DCC: variants seen among roughly 807,000 people sequenced by gnomAD.
The protein encoded by DCC is netrin receptor DCC.
DCC carries 58 observed loss-of-function variants against 172.5 expected under a neutral mutation model. That is an observed-to-expected ratio of 0.34 (90% CI 0.27 to 0.42). The LOEUF is 0.42. Among genes scored for constraint, DCC ranks in the 10% least tolerant of loss-of-function variants. The pLI is 1.00. For synonymous variants in DCC, 709 were observed against 644.5 expected (o/e 1.10, Z -1.52); for missense variants, 1,740 against 1,791.0 (o/e 0.97, Z 0.51).
At chr18:52,799,074 A>T (rs2037932844) in intron 2 of DCC, among the ~76,000 whole-genome samples, 2 of 152,190 alleles carry the variant, frequency 1.3e-5, no homozygotes, top group African/African-American at 4.8e-5. Flanking sequence ...TAATGTTTGA[A>T]ATAAAACAGG....
chr18:52,522,515 C>A (rs1437414096), intron 1 of DCC, among the ~76,000 whole-genome samples: 1 of 151,968 alleles, frequency 6.6e-6, no homozygotes, highest in African/African-American at 2.4e-5. Context: ...TATAGGATAC[C>A]CAGTTAAATT....
At chr18:52,532,596 T>C (rs1001246733) in intron 1 of DCC, among the ~76,000 whole-genome samples, 4 of 152,170 alleles carry the variant, frequency 2.6e-5, no homozygotes, top group African/African-American at 7.2e-5. Flanking sequence ...TGCATCACCA[T>C]TGACTGAAGG....
chr18:53,013,472 C>A (rs2041760777), intron 5 of DCC, among the ~76,000 whole-genome samples: 1 of 151,932 alleles, frequency 6.6e-6, no homozygotes, highest in Non-Finnish European at 1.5e-5. Context: ...CATGTTCTCA[C>A]TCATAACTAG....
intron 2 of DCC, among the ~76,000 whole-genome samples, chr18:52,905,754 A>C (rs1375013739): frequency 6.6e-6 from 1 of 152,150 alleles, no homozygotes; most frequent in South Asian, 2.1e-4. Flanking sequence ...TTCCTTATCT[A>C]TAAAATTAGG....
chr18:52,941,845 T>A (rs571491081), intron 5 of DCC, among the ~76,000 whole-genome samples: 1 of 152,172 alleles, frequency 6.6e-6, no homozygotes, highest in East Asian at 1.9e-4. Flanking sequence ...TGCAGTGGTG[T>A]CATCTTGGCT....
chr18:53,357,671 G>A (rs544521753), intron 15 of DCC, among the ~76,000 whole-genome samples: 15 of 152,250 alleles, frequency 9.9e-5, no homozygotes, highest in South Asian at 6.2e-4. Context: ...TAGAAAGCCT[G>A]ATCACAAAGA....
intron 1 of DCC, among the ~76,000 whole-genome samples, chr18:52,703,095 A>G (rs2036152216): frequency 6.6e-6 from 1 of 152,174 alleles, no homozygotes; most frequent in Non-Finnish European, 1.5e-5. Context: ...TCTCTGATTC[A>G]AGGCTAACCA....
chr18:53,025,000 A>G (rs1293284888), intron 5 of DCC, among the ~76,000 whole-genome samples: 3 of 152,130 alleles, frequency 2.0e-5, no homozygotes, highest in Non-Finnish European at 4.4e-5. Flanking sequence ...GTAATACAGG[A>G]ACACATGCAA....
chr18:52,983,335 G>A (rs1240646829), intron 5 of DCC, among the ~76,000 whole-genome samples: 1 of 152,234 alleles, frequency 6.6e-6, no homozygotes, highest in East Asian at 1.9e-4. Flanking sequence ...AATTGAAGAG[G>A]CAGACCAACA....
At chr18:53,522,601 C>T (rs1459934639) in intron 27 of DCC, among the ~76,000 whole-genome samples, 1 of 152,124 alleles carries the variant, frequency 6.6e-6, no homozygotes. Flanking sequence ...ACAGAGGTCT[C>T]AGAAACATCA....
intron 15 of DCC, among the ~76,000 whole-genome samples, chr18:53,360,656 C>G (rs2057935606): frequency 2.0e-5 from 3 of 152,036 alleles, no homozygotes; most frequent in Admixed American, 1.3e-4. Flanking sequence ...GAAGTGCAAA[C>G]AGAACTACAA....
chr18:52,526,775 T>C (rs939020338), intron 1 of DCC, among the ~76,000 whole-genome samples: 1 of 152,208 alleles, frequency 6.6e-6, no homozygotes. Context: ...TGATAGATTT[T>C]CTGCCTGCAC....
intron 23 of DCC, among the ~76,000 whole-genome samples, chr18:53,458,046 A>C (rs908277568): frequency 1.3e-5 from 2 of 152,176 alleles, no homozygotes; most frequent in African/African-American, 4.8e-5. Flanking sequence ...TTTCACTGAG[A>C]GTAGCTTGTA....
At chr18:53,109,998 G>T (rs1341001164) in intron 7 of DCC, among the ~76,000 whole-genome samples, 1 of 151,442 alleles carries the variant, frequency 6.6e-6, no homozygotes, top group African/African-American at 2.4e-5. Flanking sequence ...TATTGAAAAT[G>T]ATGACGTATT....
intron 22 of DCC, among the ~76,000 whole-genome samples, chr18:53,450,197 C>A (rs1188102939): frequency 1.3e-5 from 2 of 151,184 alleles, no homozygotes; most frequent in Non-Finnish European, 3.0e-5. Context: ...ACACACACAC[C>A]ACACATTTGT....
chr18:52,908,841 A>G (rs140501584), intron 3 of DCC, among the ~76,000 whole-genome samples: 96 of 152,322 alleles, frequency 6.3e-4, no homozygotes, highest in African/African-American at 2.1e-3. Context: ...GTTTTTATCT[A>G]AATTATATGA....
intron 2 of DCC, among the ~76,000 whole-genome samples, chr18:52,865,996 G>T (rs1433116734): frequency 6.6e-6 from 1 of 151,974 alleles, no homozygotes; most frequent in Non-Finnish European, 1.5e-5. Context: ...TATTGCCTGG[G>T]TTTTCTTCTA....
intron 1 of DCC, among the ~76,000 whole-genome samples, chr18:52,733,380 C>T (rs573355723): frequency 6.6e-6 from 1 of 152,266 alleles, no homozygotes; most frequent in African/African-American, 2.4e-5. Context: ...TTCAGTTAGA[C>T]CCATCACATT....
At chr18:53,198,769 G>A (rs1188433616) in intron 9 of DCC, among the ~76,000 whole-genome samples, 1 of 152,140 alleles carries the variant, frequency 6.6e-6, no homozygotes, top group African/African-American at 2.4e-5. Flanking sequence ...AAAAAAGGTA[G>A]TTGGATAGGC....
Sources: gnomAD v4.1 joint callset for allele counts (sites outside exome capture counted in the v4.1 genomes callset) on GRCh38, gnomAD v4.1.1 for gene constraint, MANE v1.5 for transcripts, NCBI Gene and HGNC (gene_info 2026-07-23, HGNC 2026-07-21) for gene names.